The following CERKL variants were observed in gnomAD, a reference collection of about 807,000 sequenced individuals.
CERKL encodes the protein CERK like autophagy regulator.
In CERKL, 61 loss-of-function variants were observed where a neutral mutation model predicts 63.4. The observed-to-expected ratio is 0.96, with a 90% CI of 0.78 to 1.19. The LOEUF is 1.19. CERKL is among the 50% of genes most tolerant of loss of function. The pLI, the probability that CERKL is intolerant of heterozygous loss-of-function variation, is 0.00. For missense variants in CERKL, 675 were observed against 655.5 expected (o/e 1.03, Z -0.33); for synonymous variants, 250 against 230.5 (o/e 1.08, Z -0.77).
At chr2:181,568,670 C>CTT (rs55645686) in intron 3 of CERKL, among the ~76,000 whole-genome samples, 3,095 of 144,040 alleles carry the variant, frequency 0.021, 38 homozygotes, top group Middle Eastern at 0.029. Context: ...GGAGTATTTT[C>CTT]TTTTTTTTTT....
intron 11 of CERKL, among the ~76,000 whole-genome samples, chr2:181,541,365 T>C (rs1412728543): frequency 6.6e-6 from 1 of 152,182 alleles, no homozygotes; most frequent in African/African-American, 2.4e-5. Flanking sequence ...ATGAAAGAAA[T>C]ACATTTCTGT....
chr2:181,648,752 C>T (rs547578979), intron 1 of CERKL, among the ~76,000 whole-genome samples: 1 of 152,066 alleles, frequency 6.6e-6, no homozygotes, highest in Non-Finnish European at 1.5e-5. Context: ...GGAACACATA[C>T]TAAAGAAATA....
At chr2:181,579,573 T>C (rs1009654682) in intron 2 of CERKL, among the ~76,000 whole-genome samples, 3 of 151,962 alleles carry the variant, frequency 2.0e-5, no homozygotes, top group Non-Finnish European at 4.4e-5. Context: ...ATAACTTATG[T>C]TTTCTCCATA....
chr2:181,625,339 T>C (rs1488121668), intron 1 of CERKL, among the ~76,000 whole-genome samples: 2 of 150,114 alleles, frequency 1.3e-5, no homozygotes, highest in Non-Finnish European at 3.0e-5. Context: ...ATAAGTTATC[T>C]AGCTAGAAAG....
chr2:181,558,667 G>T lies in CERKL; in HGVS notation c.719C>A (p.Ala240Asp). The change falls in exon 5 of 13, where the codon GCC (alanine) becomes GAC (aspartate). Residue 240 changes from alanine to aspartate, a missense_variant. Coordinates refer to ENST00000410087, the MANE Select transcript of CERKL (RefSeq NM_201548.5). The surrounding 1 kb of genome is among the most constrained non-coding windows in gnomAD (Gnocchi z 4.2). ...VGGDGSASEV[A>D]HALLLRAQKN... ...CTGAGCTCTCAGAAGCAAAGCATGG[G>T]CTACTTCGCTAGCAGATCCATCTCC... The T allele has an allele frequency of 6.2e-7, 1 of 1,613,560 alleles. No homozygotes were observed. Among genetic ancestry groups the T allele is most frequent in the East Asian group, 2.2e-5 (1 of 44,816 alleles).
chr2:181,608,893 C>T (rs773773797), intron 1 of CERKL, among the ~76,000 whole-genome samples: 27 of 151,986 alleles, frequency 1.8e-4, no homozygotes, highest in Non-Finnish European at 2.8e-4. Flanking sequence ...AAGCTGGCTA[C>T]AAATATGTCT....
chr2:181,577,808 G>A (rs777044491), intron 2 of CERKL, among the ~76,000 whole-genome samples: 1 of 152,072 alleles, frequency 6.6e-6, no homozygotes, highest in South Asian at 2.1e-4. Flanking sequence ...AAGGGGTCTT[G>A]TCCCAAGCAC....
chr2:181,593,158 C>T (rs1685058185), intron 2 of CERKL, among the ~76,000 whole-genome samples: 1 of 152,012 alleles, frequency 6.6e-6, no homozygotes, highest in African/African-American at 2.4e-5. Context: ...ACATAAAGAC[C>T]CCAAGTAAGT....
chr2:181,565,337 G>A (rs1027309604), intron 4 of CERKL: 12 of 842,214 alleles, frequency 1.4e-5, no homozygotes, highest in Non-Finnish European at 2.1e-5. Flanking sequence ...TTCCCTAAAG[G>A]AATATAATAT....
Position 181,537,175 on chromosome 2 carries a change from T to TCTAGGATCATAG in CERKL, c.*997_*1008dup. 2.2e-6 allele frequency: 1 copy of TCTAGGATCATAG among 453,958 alleles called. No individual in the cohort carries two copies. The highest frequency in any genetic ancestry group is 4.4e-6 in the Non-Finnish European group (1 of 226,690). 28.1% of individuals were successfully genotyped at this position (453,958 alleles called of 1,614,324 possible). On this transcript the variant is annotated 3_prime_UTR_variant, in exon 13 of 13. Coordinates refer to ENST00000410087, the MANE Select transcript of CERKL (RefSeq NM_201548.5). ...GGCTAGTCATTCTTTCAGGAGAACATCTAGGATCATAGATGAAAAATCAAG... is the reference window on the plus strand; with the variant it reads ...GGCTAGTCATTCTTTCAGGAGAACATCTAGGATCATAGCTAGGATCATAGATGAAAAATCAAG...
intron 2 of CERKL, among the ~76,000 whole-genome samples, chr2:181,599,228 G>A (rs1685355094): frequency 1.3e-5 from 2 of 151,936 alleles, no homozygotes; most frequent in Non-Finnish European, 2.9e-5. Flanking sequence ...TTCACTAAAG[G>A]GAACATCAAA....
intron 2 of CERKL, among the ~76,000 whole-genome samples, chr2:181,580,496 T>C (rs1684457007): frequency 1.3e-5 from 2 of 151,732 alleles, no homozygotes; most frequent in South Asian, 4.1e-4. Flanking sequence ...TTCATACCAT[T>C]CATTTTCTTC....
chr2:181,654,143 T>A (rs1559126948), intron 1 of CERKL, among the ~76,000 whole-genome samples: 1 of 151,682 alleles, frequency 6.6e-6, no homozygotes, highest in African/African-American at 2.4e-5. Flanking sequence ...ATCACACATT[T>A]AAAATATTTC....
chr2:181,650,583 A>AC (rs1336405836), intron 1 of CERKL, among the ~76,000 whole-genome samples: 1 of 151,952 alleles, frequency 6.6e-6, no homozygotes, highest in East Asian at 1.9e-4. Context: ...ACATGGAGAA[A>AC]CCCCGTCTCT....
chr2:181,591,193 T>A (rs2105875998), intron 2 of CERKL, among the ~76,000 whole-genome samples: 1 of 152,082 alleles, frequency 6.6e-6, no homozygotes, highest in South Asian at 2.1e-4. Flanking sequence ...AGTATAAAAA[T>A]TTAAAAAACA....
In CERKL at chr2:181,626,689, A is replaced by T. The variant is rs116764156; in HGVS notation, c.239-22610T>A. On this transcript the variant is annotated intron_variant, in intron 1 of 12. Transcript: ENST00000410087. ...ATACATTTTGGTATGATCATGTTAA[A>T]AAGGAAAGCAATTCTTGAGAGTGGG... Among the ~76,000 whole-genome samples the T allele has an allele frequency of 3.6e-3, 555 of 152,384 alleles. 5 individuals carry two copies. The highest frequency in any genetic ancestry group is 0.021 in the South Asian group (102 of 4,834).
chr2:181,595,364 G>A (rs527331367), intron 2 of CERKL, among the ~76,000 whole-genome samples: 1 of 142,642 alleles, frequency 7.0e-6, no homozygotes, highest in Non-Finnish European at 1.5e-5. Flanking sequence ...TGACCCTACG[G>A]GTTGCCCTGC....
At chr2:181,568,925 T>C (rs1688786604) in intron 3 of CERKL, among the ~76,000 whole-genome samples, 1 of 151,034 alleles carries the variant, frequency 6.6e-6, no homozygotes, top group Non-Finnish European at 1.5e-5. Context: ...AGTGGTTAAG[T>C]ATAATGCAAA....
chr2:181,606,407 A>G (rs1206785798), intron 1 of CERKL, among the ~76,000 whole-genome samples: 1 of 3,044 alleles, frequency 3.3e-4, no homozygotes, highest in African/African-American at 1.1e-3. Flanking sequence ...GGGGGAGGGG[A>G]GGGGAGAGGA....
Sources: gnomAD v4.1 joint callset for allele counts (sites outside exome capture counted in the v4.1 genomes callset) on GRCh38, gnomAD v4.1.1 for gene constraint, Gnocchi (gnomAD v3.1) non-coding constraint, MANE v1.5 for transcripts, NCBI Gene and HGNC (gene_info 2026-07-23, HGNC 2026-07-21) for gene names.